UCHL5: variants seen among roughly 807,000 people sequenced by gnomAD.
UCHL5 encodes ubiquitin carboxyl-terminal hydrolase isozyme L5.
In UCHL5, 34 loss-of-function variants were observed where a neutral mutation model predicts 53.8. The observed-to-expected ratio is 0.63, with a 90% CI of 0.48 to 0.84. The LOEUF is 0.84. Among genes scored for constraint, UCHL5 ranks in the 40% least tolerant of loss-of-function variants. UCHL5 has a pLI of 0.00. For missense variants in UCHL5, 290 were observed against 385.6 expected, an observed-to-expected ratio of 0.75 and a Z score of 2.08; for synonymous variants, 111 against 126.3, an observed-to-expected ratio of 0.88 and a Z score of 0.81.
chr1:193,024,044 T>C, intron 7 of UCHL5, 98 bp from the exon 8 acceptor site: 1 of 869,820 alleles, frequency 1.1e-6, no homozygotes, highest in East Asian at 3.0e-5. Flanking sequence ...TTTTCTAGTA[T>C]AAACAAAAGT....
chr1:193,038,366 G>C (rs1664338622), intron 3 of UCHL5, among the ~76,000 whole-genome samples: 1 of 150,658 alleles, frequency 6.6e-6, no homozygotes, highest in Admixed American at 6.6e-5. Flanking sequence ...TGAGGCAGGA[G>C]AATGGCGTGA....
At chr1:193,023,743 C>T in intron 8 of UCHL5, 101 bp downstream of exon 8, 1 of 894,306 alleles carries the variant, frequency 1.1e-6, no homozygotes, top group Non-Finnish European at 1.7e-6. Context: ...ATTCGCTTAG[C>T]CACCATTCAG....
Position 193,028,678 on chromosome 1 carries a change from G to A in UCHL5, c.565+501C>T, listed in dbSNP as rs571999331. On this transcript the variant is annotated intron_variant, in intron 6 of 10. Coordinates refer to ENST00000367454, the MANE Select transcript of UCHL5 (RefSeq NM_001199261.3). ...TCATTTTTTGCTCAGCATTAGAGAC[G>A]GGGTAGGATCAGAACAATCTATGTT... 7.9e-5 allele frequency among the ~76,000 whole-genome samples: 12 copies of A among 152,160 alleles called. No individual in the cohort carries two copies. In the East Asian group the frequency reaches 2.1e-3, roughly 27 times the overall value.
intron 3 of UCHL5, among the ~76,000 whole-genome samples, chr1:193,040,131 C>T (rs962728653): frequency 3.9e-5 from 6 of 151,984 alleles, no homozygotes; most frequent in Admixed American, 2.0e-4. Flanking sequence ...ACAACAAAAG[C>T]AAAAATAAAT....
intron 3 of UCHL5, among the ~76,000 whole-genome samples, chr1:193,036,317 CAAAAAAAAAAAA>C (rs960496083): frequency 2.0e-4 from 10 of 50,794 alleles, no homozygotes; most frequent in African/African-American, 2.7e-4. Flanking sequence ...AACTGGAAAC[CAAAAAAAAAAAA>C]AAAAAAAAAA....
intron 3 of UCHL5, among the ~76,000 whole-genome samples, chr1:193,046,758 C>T (rs925040710): frequency 9.5e-5 from 14 of 148,082 alleles, no homozygotes; most frequent in East Asian, 1.9e-4. Context: ...TATAAAAGTA[C>T]TTAGTAAGCT....
chr1:193,048,853 A>T (rs1399814670), intron 3 of UCHL5, among the ~76,000 whole-genome samples: 1 of 152,144 alleles, frequency 6.6e-6, no homozygotes, highest in Non-Finnish European at 1.5e-5. Flanking sequence ...ACATGTAACA[A>T]GTTTATTGTT....
At chr1:193,017,518 G>T (rs1326127380) in intron 10 of UCHL5, among the ~76,000 whole-genome samples, 1 of 151,508 alleles carries the variant, frequency 6.6e-6, no homozygotes, top group African/African-American at 2.4e-5. Flanking sequence ...TTTGTAATTT[G>T]ATATGTGTAT....
At position 193,049,764 on chromosome 1, in the gene UCHL5, C is replaced by T. The variant is rs200634415; in HGVS notation, c.228G>A (p.Thr76=). 59 of 1,610,372 alleles carry T rather than the reference C, an allele frequency of 3.7e-5. No homozygotes were observed. The highest frequency in any genetic ancestry group is 1.0e-4 in the Admixed American group (6 of 59,368). ...ACCATACCTGCTTAGCAAAAAATAT[C>T]GTGTCAAGTCGGGAGTCCTGAACCA... ...GSVVQDSRLD[T]IFFAKQVINN... is the part of the protein sequence containing the mutation. The change falls in exon 3 of 11, where the codon ACG becomes ACA. Residue 76 remains threonine, a synonymous_variant. Transcript: ENST00000367454.
chr1:193,049,151 G>A (rs1402764877), intron 3 of UCHL5, among the ~76,000 whole-genome samples: 6 of 152,074 alleles, frequency 3.9e-5, no homozygotes, highest in East Asian at 1.9e-4. Context: ...AGTGACTCAC[G>A]CCTGTAATCC....
intron 3 of UCHL5, among the ~76,000 whole-genome samples, chr1:193,031,659 C>CCATT (rs991402446): frequency 2.0e-5 from 3 of 152,206 alleles, no homozygotes; most frequent in Admixed American, 1.3e-4. Flanking sequence ...AGGTGTACAG[C>CCATT]CATTCATTCA....
chr1:193,038,804 G>A (rs1310206990), intron 3 of UCHL5, among the ~76,000 whole-genome samples: 1 of 151,082 alleles, frequency 6.6e-6, no homozygotes, highest in Admixed American at 6.6e-5. Flanking sequence ...AAGACCAGCT[G>A]GTCAACATAA....
Position 193,016,262 on chromosome 1 carries a change from A to AC in UCHL5, c.*88_*89insG, listed in dbSNP as rs1259515018. On this transcript the variant is annotated 3_prime_UTR_variant, in exon 11 of 11. Transcript: ENST00000367454. ...CTATTGCCAAACGTGCACTGAGCCA[A>AC]TTAGGATGTTGCTCTAAGTTCTTTA... The AC allele has an allele frequency of 2.0e-5, 30 of 1,496,226 alleles. 3 individuals carry two copies. In the Middle Eastern group the frequency reaches 1.0e-3, roughly 52 times the overall value. 92.7% of individuals were successfully genotyped at this position (1,496,226 alleles called of 1,614,324 possible). A position where few individuals can be genotyped will look rare whatever the true frequency, so the allele number is the denominator to read the frequency against.
At position 193,054,165 on chromosome 1, in the gene UCHL5, A is replaced by G. The variant is rs540267322; in HGVS notation, c.77-2348T>C. On this transcript the variant is annotated intron_variant, in intron 1 of 10. Coordinates refer to ENST00000367454, the MANE Select transcript of UCHL5 (RefSeq NM_001199261.3). ...TGCTTTGAAATATTTATTAACTAAC[A>G]CATCTGTATTATACCGATGGGTCTA... Among the ~76,000 whole-genome samples, 4 of 152,318 alleles carry G rather than the reference A, an allele frequency of 2.6e-5. No homozygotes were observed. The East Asian group carries it at 7.7e-4, about 29-fold the overall frequency.
At chr1:193,043,296 C>T (rs1038776576) in intron 3 of UCHL5, among the ~76,000 whole-genome samples, 1 of 151,976 alleles carries the variant, frequency 6.6e-6, no homozygotes, top group African/African-American at 2.4e-5. Flanking sequence ...TTGCTCTGCA[C>T]AGTTCAGCTA....
intron 3 of UCHL5, among the ~76,000 whole-genome samples, chr1:193,034,153 A>G (rs1482287365): frequency 6.6e-5 from 10 of 152,168 alleles, no homozygotes; most frequent in African/African-American, 2.4e-4. Context: ...AGGAGAAATA[A>G]GATCAGCCAG....
chr1:193,018,562 C>CA, intron 10 of UCHL5: 2 of 1,184,084 alleles, frequency 1.7e-6, no homozygotes, highest in Non-Finnish European at 2.1e-6. Flanking sequence ...TCTCACATAA[C>CA]AAAAACATTT....
At chr1:193,029,499 A>G in intron 4 of UCHL5, 33 bp downstream of exon 4, 1 of 1,612,836 alleles carries the variant, frequency 6.2e-7, no homozygotes, top group Non-Finnish European at 8.5e-7. Flanking sequence ...TTTCACAAAT[A>G]TGACATTTTA....
At chr1:193,055,070 G>A (rs1670190968) in intron 1 of UCHL5, among the ~76,000 whole-genome samples, 1 of 152,178 alleles carries the variant, frequency 6.6e-6, no homozygotes, top group South Asian at 2.1e-4. Context: ...ATGGCTGAGG[G>A]AATGGCTATT....
Sources: allele counts gnomAD v4.1 joint callset (sites outside exome capture counted in the v4.1 genomes callset), GRCh38; gene constraint gnomAD v4.1.1; transcripts MANE v1.5; gene names NCBI Gene and HGNC (gene_info 2026-07-23, HGNC 2026-07-21).